Variants in SDAD1 observed in about 807,000 individuals in gnomAD.
SDAD1 encodes the protein SDA1 domain containing 1, also known as protein SDA1 homolog.
SDAD1 carries 79 observed loss-of-function variants against 100.3 expected under a neutral mutation model. The observed-to-expected ratio is 0.79, with a 90% CI of 0.66 to 0.95. SDAD1 has a LOEUF of 0.95. Ranked by LOEUF, SDAD1 falls within the 40% of genes least tolerant of loss-of-function variation. The pLI is 0.00. For synonymous variants in SDAD1, 267 were observed against 271.4 expected (o/e 0.98, Z 0.16); for missense variants, 790 against 810.9 (o/e 0.97, Z 0.31).
At position 75,990,791 on chromosome 4, in the gene SDAD1, C is replaced by T. The variant is rs1198893576; in HGVS notation, c.51G>A (p.Gln17=). The T allele has an allele frequency of 6.2e-7, 1 of 1,614,022 alleles. No individual in the cohort carries two copies. The highest frequency in any genetic ancestry group is 8.5e-7 in the Non-Finnish European group (1 of 1,180,032). ...CCGGCGGGTCTCGCTTGATTAGATT[C>T]TGTAACTGCGGCAGGTTGCTGGGAA... The part of the protein sequence containing the change: ...NKLPSNLPQL[Q]NLIKRDPPAY... Residue 17 remains glutamine (Q), a synonymous_variant, in exon 1 of 22, where the codon CAG becomes CAA. Transcript: ENST00000356260.
chr4:75,985,300 A>C (rs1318753055), intron 1 of SDAD1, among the ~76,000 whole-genome samples: 1 of 152,104 alleles, frequency 6.6e-6, no homozygotes, highest in Non-Finnish European at 1.5e-5. Flanking sequence ...ATCTAAATCA[A>C]ACAGCCCAGT....
chr4:75,951,259 G>C (rs990009709), intron 21 of SDAD1, among the ~76,000 whole-genome samples: 1 of 152,034 alleles, frequency 6.6e-6, no homozygotes, highest in African/African-American at 2.4e-5. Context: ...ATCACTCAAA[G>C]ATTTTATAAT....
rs535487001 is a variant in SDAD1, at chr4:75,961,375, G to A, written c.1182-67C>T. On this transcript the variant is annotated intron_variant, in intron 14 of 21. Coordinates refer to ENST00000356260, the MANE Select transcript of SDAD1 (RefSeq NM_018115.4). ...ATTTTTTCATGATTCAACACAGGAA[G>A]ACTTCCTAAAAAGATTAACTCAAAA... is the stretch of plus-strand genomic sequence containing the variant. 9.8e-5 allele frequency: 115 copies of A among 1,168,944 alleles called. No individual in the cohort carries two copies. The African/African-American group carries it at 1.4e-3, about 14-fold the overall frequency. 72.4% of individuals were successfully genotyped at this position (1,168,944 alleles called of 1,614,324 possible).
chr4:75,953,012 C>A (rs180794093), intron 21 of SDAD1, among the ~76,000 whole-genome samples: 34 of 151,948 alleles, frequency 2.2e-4, no homozygotes, highest in African/African-American at 7.5e-4. Context: ...AAGGGGAGAA[C>A]AGAGAAAATC....
chr4:75,955,170 T>C (rs1287958227), intron 21 of SDAD1, among the ~76,000 whole-genome samples: 3 of 152,214 alleles, frequency 2.0e-5, no homozygotes. Context: ...CTGTATACTG[T>C]ACTTCTGCAT....
In SDAD1 at chr4:75,977,673, A is replaced by G. The variant is rs1730229747; in HGVS notation, c.378T>C (p.Phe126=). ...SSLLELFFEL[F]RCHDKLLRKT... is the part of the protein sequence containing the mutation. The stretch of plus-strand genomic sequence containing the variant: ...TTCGCAGAAGTTTATCATGGCAACG[A>G]AAAAGTTCAAAGAAGAGTTCTAGCA... The change falls in exon 4 of 22, where the codon TTT becomes TTC. Residue 126 remains phenylalanine, a synonymous_variant. Coordinates refer to ENST00000356260, the MANE Select transcript of SDAD1 (RefSeq NM_018115.4). 6.2e-7 allele frequency: 1 copy of G among 1,612,174 alleles called. No individual in the cohort carries two copies. The highest frequency in any genetic ancestry group is 1.3e-5 in the African/African-American group (1 of 74,878).
intron 14 of SDAD1, among the ~76,000 whole-genome samples, chr4:75,962,534 A>G (rs1192832365): frequency 2.0e-5 from 3 of 152,072 alleles, no homozygotes; most frequent in Non-Finnish European, 2.9e-5. Context: ...AAGTGTTCCT[A>G]TTTCTCCACA....
At chr4:75,970,249 C>T (rs1729787466) in intron 10 of SDAD1, 60 bp downstream of exon 10, 5 of 1,386,396 alleles carry the variant, frequency 3.6e-6, no homozygotes, top group Non-Finnish European at 5.1e-6. Context: ...ACCCCAAAGG[C>T]AGGAAATAAA....
At chr4:75,970,086 C>T (rs1729779435) in intron 10 of SDAD1, among the ~76,000 whole-genome samples, 1 of 151,468 alleles carries the variant, frequency 6.6e-6, no homozygotes, top group South Asian at 2.1e-4. Context: ...AAACATGAAT[C>T]TCAGAAACAT....
chr4:75,978,061 C>T (rs1278403761), intron 3 of SDAD1, among the ~76,000 whole-genome samples: 1 of 152,086 alleles, frequency 6.6e-6, no homozygotes, highest in Non-Finnish European at 1.5e-5. Context: ...AGTAAGGTCT[C>T]TTTGTAGTGT....
Position 75,961,062 on chromosome 4 carries a change from G to A in SDAD1, c.1322C>T (p.Thr441Ile). 1 of 1,613,978 alleles carries A rather than the reference G, an allele frequency of 6.2e-7. No individual in the cohort carries two copies. Among genetic ancestry groups the A allele is most frequent in the South Asian group, 1.1e-5 (1 of 91,074 alleles). ...SARTLIHLFR[T>I]LNPQMLQKKF... ...CTTCTGCAGCATCTGAGGATTCAGT[G>A]TTCGGAAGAGGTGAATCAAAGTTCT... The change falls in exon 16 of 22, where the codon ACA becomes ATA. Residue 441 changes from threonine (T) to isoleucine (I), a missense_variant. Physicochemically the swap from Thr to Ile is moderately conservative, Grantham distance 89. Coordinates refer to ENST00000356260, the MANE Select transcript of SDAD1 (RefSeq NM_018115.4).
rs1303626460 is a variant in SDAD1 at position 75,950,158 on chromosome 4, C to T, written c.*592G>A. The T allele has an allele frequency of 7.2e-6, 1 of 138,380 alleles. No homozygotes were observed. The highest frequency in any genetic ancestry group is 2.7e-5 in the African/African-American group (1 of 37,516). 8.6% of individuals were successfully genotyped at this position (138,380 alleles called of 1,614,324 possible). A position where few individuals can be genotyped will look rare whatever the true frequency, so the allele number is the denominator to read the frequency against. On this transcript the variant is annotated 3_prime_UTR_variant, in exon 22 of 22. Coordinates refer to ENST00000356260, the MANE Select transcript of SDAD1 (RefSeq NM_018115.4). ...ACGGGGGGGGGGGGGTCACTTAAATCTCTTGGATTGACTAAAAGAGCTAAA... is the reference window on the plus strand; with the variant it reads ...ACGGGGGGGGGGGGGTCACTTAAATTTCTTGGATTGACTAAAAGAGCTAAA...
At chr4:75,957,795 T>C in intron 18 of SDAD1, 52 bp downstream of exon 18, 1 of 1,611,756 alleles carries the variant, frequency 6.2e-7, no homozygotes, top group Non-Finnish European at 8.5e-7. Context: ...AGGCCCAGAA[T>C]AAATTACGTC....
intron 21 of SDAD1, among the ~76,000 whole-genome samples, chr4:75,952,124 CTT>C: frequency 6.6e-6 from 1 of 152,310 alleles, no homozygotes; most frequent in African/African-American, 2.4e-5. Flanking sequence ...TTCATTTCAA[CTT>C]AATTTGGCTA....
chr4:75,967,241 A>C, intron 12 of SDAD1, 36 bp downstream of exon 12: 5 of 1,598,938 alleles, frequency 3.1e-6, no homozygotes, highest in Non-Finnish European at 4.3e-6. Flanking sequence ...TTCTATTACC[A>C]AGGCCACCAA....
In SDAD1 at chr4:75,969,761, A is replaced by G. The variant is rs914617468; in HGVS notation, c.884-362T>C. Among the ~76,000 whole-genome samples, 3 of 152,152 alleles carry G rather than the reference A, an allele frequency of 2.0e-5. No homozygotes were observed. The East Asian group carries it at 5.8e-4, about 29-fold the overall frequency. ...CTGTATCTACATGCAAGTTTGAGAA[A>G]CACTGATCTAGAGCAGGGGTCAGCA... is the stretch of plus-strand genomic sequence containing the variant. On this transcript the variant is annotated intron_variant, in intron 10 of 21. Coordinates refer to ENST00000356260, the MANE Select transcript of SDAD1 (RefSeq NM_018115.4).
At chr4:75,988,642 T>A (rs1466867955) in intron 1 of SDAD1, among the ~76,000 whole-genome samples, 1 of 152,222 alleles carries the variant, frequency 6.6e-6, no homozygotes, top group East Asian at 1.9e-4. Flanking sequence ...AGCATAGAAT[T>A]TTTATCGGTA....
In SDAD1 at chr4:75,957,385, G is replaced by A. The variant is rs554014213; in HGVS notation, c.1794C>T (p.Asp598=). 6.2e-7 allele frequency: 1 copy of A among 1,613,916 alleles called. No homozygotes were observed. Among genetic ancestry groups the A allele is most frequent in the East Asian group, 2.2e-5 (1 of 44,888 alleles). Residue 598 remains aspartate (D), a synonymous_variant, in exon 20 of 22, where the codon GAC becomes GAT. Coordinates refer to ENST00000356260, the MANE Select transcript of SDAD1 (RefSeq NM_018115.4). ...EPRGELLSLR[D]IERLHKKPKS... is the part of the protein sequence containing the mutation. ...TTGGCTTTTTATGAAGGCGTTCAAT[G>A]TCCCGAAGAGAAAGTAATTCACCCC...
intron 14 of SDAD1, among the ~76,000 whole-genome samples, chr4:75,962,248 A>G (rs1221270272): frequency 1.3e-5 from 2 of 152,316 alleles, no homozygotes; most frequent in East Asian, 1.9e-4. Flanking sequence ...TTATGGCTGC[A>G]TAGTATTCCA....
Sources: allele counts gnomAD v4.1 joint callset (sites outside exome capture counted in the v4.1 genomes callset), GRCh38; gene constraint gnomAD v4.1.1; transcripts MANE v1.5; gene names NCBI Gene and HGNC (gene_info 2026-07-23, HGNC 2026-07-21).